The following SBF2 variants were observed in gnomAD, a reference collection of about 807,000 sequenced individuals.
SBF2 encodes SET binding factor 2, also known as myotubularin-related protein 13.
A neutral mutation model predicts 225.2 loss-of-function variants in SBF2; 112 were observed. The observed-to-expected ratio is 0.50, with a 90% confidence interval of 0.43 to 0.58. The LOEUF is 0.58. SBF2 is among the 20% of genes least tolerant of loss of function. The pLI, the probability that SBF2 is intolerant of heterozygous loss-of-function variation, is 0.00. For missense variants in SBF2, 1,996 were observed against 2,206.2 expected, an observed-to-expected ratio of 0.90 and a Z score of 1.91; for synonymous variants, 763 against 773.3, an observed-to-expected ratio of 0.99 and a Z score of 0.22.
intron 1 of SBF2, among the ~76,000 whole-genome samples, chr11:10,233,656 T>C (rs1166097522): frequency 1.3e-5 from 2 of 151,380 alleles, no homozygotes; most frequent in Admixed American, 1.3e-4. Context: ...GCCAAAGATA[T>C]GAGCCACTCA....
chr11:10,133,821 C>T (rs571819891), intron 2 of SBF2, among the ~76,000 whole-genome samples: 148 of 152,274 alleles, frequency 9.7e-4, no homozygotes, highest in African/African-American at 3.0e-3. Flanking sequence ...GGGGAGGTGC[C>T]GAGAGCAAGC....
At chr11:10,155,776 G>A (rs958672013) in intron 2 of SBF2, among the ~76,000 whole-genome samples, 3 of 152,132 alleles carry the variant, frequency 2.0e-5, no homozygotes, top group Non-Finnish European at 2.9e-5. Flanking sequence ...TTACAAATGG[G>A]GAAAATTACC....
chr11:9,917,768 A>T (rs1288511666), intron 16 of SBF2, among the ~76,000 whole-genome samples: 7 of 151,020 alleles, frequency 4.6e-5, no homozygotes. Context: ...GCACCACTGG[A>T]ATCTGTATCG....
At chr11:10,160,949 G>A (rs1244858148) in intron 2 of SBF2, among the ~76,000 whole-genome samples, 1 of 152,110 alleles carries the variant, frequency 6.6e-6, no homozygotes, top group Non-Finnish European at 1.5e-5. Flanking sequence ...CACTTTGGGA[G>A]GCCAAGATGG....
chr11:9,895,986 T>C lies in SBF2; in HGVS notation c.1886A>G (p.Asn629Ser), dbSNP rs1317926776. The C allele has an allele frequency of 1.9e-6, 3 of 1,613,272 alleles. No individual in the cohort carries two copies. In the Admixed American group the frequency reaches 5.0e-5, roughly 27 times the overall value. Residue 629 changes from asparagine to serine, a missense_variant, in exon 17 of 40, where the codon AAC (asparagine) becomes AGC (serine). Transcript: ENST00000256190. ...LQDCSSLEEY[N>S]IAAALLPLTS... ...CAAAGGGAGTAATGCTGCGGCAATG[T>C]TGTATTCTTCTAAACTTGAACAATC...
intron 16 of SBF2, among the ~76,000 whole-genome samples, chr11:9,948,012 A>C (rs1865662028): frequency 6.6e-6 from 1 of 152,192 alleles, no homozygotes; most frequent in Non-Finnish European, 1.5e-5. Flanking sequence ...TATTTACAAT[A>C]AGCAAAAGGT....
chr11:9,861,168 G>A (rs35749184), intron 17 of SBF2, among the ~76,000 whole-genome samples: 56,109 of 151,970 alleles, frequency 0.37, 10,908 homozygotes, highest in African/African-American at 0.5. Flanking sequence ...TATCATGCCA[G>A]CCCACTACAA....
intron 2 of SBF2, among the ~76,000 whole-genome samples, chr11:10,112,199 T>C (rs1012461433): frequency 1.1e-4 from 16 of 152,020 alleles, no homozygotes; most frequent in African/African-American, 3.6e-4. Context: ...GAACTGAGAG[T>C]AAAGAGGGCA....
At chr11:10,296,572 G>C (rs1378715150), upstream of SBF2, among the ~76,000 whole-genome samples, 2 of 152,064 alleles carry the variant, frequency 1.3e-5, no homozygotes, top group African/African-American at 4.8e-5. Context: ...GATGAAATTT[G>C]GGTGAGGACA....
chr11:9,992,591 A>T, intron 11 of SBF2, 48 bp from the exon 12 acceptor site: 1 of 1,570,232 alleles, frequency 6.4e-7, no homozygotes, highest in East Asian at 2.3e-5. Context: ...TTGGTAACGG[A>T]CAAATGGTCA....
At chr11:9,982,734 C>T (rs578120993) in intron 13 of SBF2, among the ~76,000 whole-genome samples, 4 of 152,240 alleles carry the variant, frequency 2.6e-5, no homozygotes, top group South Asian at 4.2e-4. Flanking sequence ...CTGCGGGATT[C>T]GGGAGACACC....
intron 2 of SBF2, among the ~76,000 whole-genome samples, chr11:10,159,098 T>C (rs1463391351): frequency 6.6e-6 from 1 of 152,236 alleles, no homozygotes; most frequent in African/African-American, 2.4e-5. Flanking sequence ...CAAGCAATTA[T>C]GAAACCACCT....
chr11:9,980,609 CG>C (rs1946911375), intron 13 of SBF2, among the ~76,000 whole-genome samples: 2 of 150,252 alleles, frequency 1.3e-5, no homozygotes, highest in South Asian at 4.2e-4. Flanking sequence ...TTTTTTAAGA[CG>C]GAGTCTCACT....
chr11:9,921,715 C>A (rs937027331), intron 16 of SBF2, among the ~76,000 whole-genome samples: 2 of 152,074 alleles, frequency 1.3e-5, no homozygotes, highest in African/African-American at 2.4e-5. Flanking sequence ...TTACTTCATA[C>A]TTATGTCTTT....
chr11:10,260,303 G>T (rs1272379727), intron 1 of SBF2, among the ~76,000 whole-genome samples: 1 of 152,156 alleles, frequency 6.6e-6, no homozygotes, highest in Non-Finnish European at 1.5e-5. Flanking sequence ...GCCAATATCT[G>T]CAGAGCACAA....
At chr11:9,856,415 C>T (rs1857316468) in intron 19 of SBF2, 43 bp downstream of exon 19, 1 of 1,612,082 alleles carries the variant, frequency 6.2e-7, no homozygotes, top group Admixed American at 1.7e-5. Context: ...AGACTGGCCC[C>T]AAGAAGAGTA....
At chr11:9,994,895 G>A (rs539947278) in intron 9 of SBF2, among the ~76,000 whole-genome samples, 1 of 152,128 alleles carries the variant, frequency 6.6e-6, no homozygotes, top group African/African-American at 2.4e-5. Context: ...AAATTAGCCA[G>A]GCATGGTGGC....
At chr11:9,989,473 G>C (rs767793513) in intron 13 of SBF2, 24 bp downstream of exon 13, 200 of 1,372,372 alleles carry the variant, frequency 1.5e-4, no homozygotes, top group Non-Finnish European at 2.1e-4. Flanking sequence ...ATTAATGACT[G>C]TCTAAATAAA....
intron 2 of SBF2, among the ~76,000 whole-genome samples, chr11:10,164,145 T>C (rs1245894366): frequency 6.6e-6 from 1 of 152,198 alleles, no homozygotes; most frequent in Non-Finnish European, 1.5e-5. Context: ...CCACTCATAT[T>C]GTCACCATCT....
Sources: gnomAD v4.1 joint callset for allele counts (sites outside exome capture counted in the v4.1 genomes callset) on GRCh38, gnomAD v4.1.1 for gene constraint, MANE v1.5 for transcripts, NCBI Gene and HGNC (gene_info 2026-07-23, HGNC 2026-07-21) for gene names.